Variants in GNB5 observed in about 807,000 individuals in gnomAD.
GNB5 encodes G protein subunit beta 5, also known as guanine nucleotide-binding protein subunit beta-5.
Under a neutral mutation model 55.3 loss-of-function variants are expected in GNB5, and 37 were observed. The ratio of observed to expected loss-of-function variants is 0.67; its 90% confidence interval spans 0.51 to 0.88. GNB5 has a LOEUF of 0.88. Ranked by LOEUF, GNB5 falls within the 40% of genes least tolerant of loss-of-function variation. The pLI, the probability that GNB5 is intolerant of heterozygous loss-of-function variation, is 0.00. For synonymous variants in GNB5, 219 were observed against 198.5 expected (o/e 1.10, Z -0.87); for missense variants, 476 against 515.3 (o/e 0.92, Z 0.74).
At chr15:52,177,088 G>A (rs956998203) in intron 3 of GNB5, among the ~76,000 whole-genome samples, 2 of 143,784 alleles carry the variant, frequency 1.4e-5, no homozygotes, top group African/African-American at 5.2e-5. Flanking sequence ...AGGCTGGAGT[G>A]CAGTGGCAAG....
chr15:52,180,636 C>G (rs867925413), intron 2 of GNB5: 1 of 152,132 alleles, frequency 6.6e-6, no homozygotes, highest in Admixed American at 6.5e-5. Context: ...CTTCTGAGCC[C>G]ACGCCCAGGC....
intron 8 of GNB5, among the ~76,000 whole-genome samples, chr15:52,134,919 T>G (rs1033795926): frequency 6.6e-6 from 1 of 152,006 alleles, no homozygotes; most frequent in Non-Finnish European, 1.5e-5. Context: ...CATCTACTGC[T>G]TGTACCATCC....
At chr15:52,163,234 A>G (rs2034373958) in intron 3 of GNB5, among the ~76,000 whole-genome samples, 1 of 152,220 alleles carries the variant, frequency 6.6e-6, no homozygotes, top group Non-Finnish European at 1.5e-5. Context: ...TCTAAAGCAC[A>G]GAGCTCTGCA....
Position 52,136,113 on chromosome 15 carries a change from A to AACACACACACACAC in GNB5, c.628-371_628-358dup, listed in dbSNP as rs751263225. On this transcript the variant is annotated intron_variant, in intron 7 of 12. Transcript: ENST00000261837. ...CACACACACACAGGGAAAAGCAGAAAACACACACACACACACACACACACA... is the reference window on the plus strand; with the variant it reads ...CACACACACACAGGGAAAAGCAGAAAACACACACACACACACACACACACACACACACACACACA... Among the ~76,000 whole-genome samples the AACACACACACACAC allele has an allele frequency of 1.3e-3, 68 of 50,726 alleles. 3 individuals are homozygous for AACACACACACACAC. Among genetic ancestry groups the AACACACACACACAC allele is most frequent in the East Asian group, 2.3e-3 (2 of 874 alleles). The allele number at this position is 50,726 out of a possible 152,430, so 33.3% of individuals were successfully genotyped here.
At chr15:52,144,566 G>T (rs1271832318) in intron 6 of GNB5, 1 of 152,248 alleles carries the variant, frequency 6.6e-6, no homozygotes, top group Non-Finnish European at 1.5e-5. Flanking sequence ...GGAATGTCCT[G>T]CCTGGTAAGA....
chr15:52,131,325 T>C (rs1269187109), intron 9 of GNB5, among the ~76,000 whole-genome samples: 2 of 152,240 alleles, frequency 1.3e-5, no homozygotes, highest in Non-Finnish European at 2.9e-5. Flanking sequence ...TTACTAGATA[T>C]TGTAAGTAAT....
chr15:52,167,527 C>A (rs543008208), intron 3 of GNB5, among the ~76,000 whole-genome samples: 1 of 151,858 alleles, frequency 6.6e-6, no homozygotes, highest in Non-Finnish European at 1.5e-5. Flanking sequence ...AAAAATTAGC[C>A]GGGCGTGGTG....
chr15:52,181,243 G>C (rs1490585746), intron 2 of GNB5: 2 of 152,220 alleles, frequency 1.3e-5, no homozygotes, highest in African/African-American at 4.8e-5. Context: ...TTGCAGGTTA[G>C]AGTCTGGGAT....
rs1056738339 is a variant in GNB5 at position 52,115,472 on chromosome 15, T to C, written c.*7285A>G. ...CTGTCACAAGGATTACATGAATCGG[T>C]ATATACAAAGTGCTTAGCACAGTAC... On this transcript the variant is annotated 3_prime_UTR_variant, in exon 13 of 13. Coordinates refer to ENST00000261837, the MANE Select transcript of GNB5 (RefSeq NM_016194.4). 2.6e-5 allele frequency: 4 copies of C among 152,190 alleles called. No homozygotes were observed. The highest frequency in any genetic ancestry group is 7.2e-5 in the African/African-American group (3 of 41,446). The allele number at this position is 152,190 out of a possible 1,614,324, so 9.4% of individuals were successfully genotyped here. A position where few individuals can be genotyped will look rare whatever the true frequency, so the allele number is the denominator to read the frequency against.
chr15:52,160,905 A>G (rs1009683959), intron 3 of GNB5, among the ~76,000 whole-genome samples: 2 of 152,224 alleles, frequency 1.3e-5, no homozygotes, highest in Non-Finnish European at 2.9e-5. Flanking sequence ...CAGGGCTACC[A>G]TGATACCCTT....
intron 7 of GNB5, among the ~76,000 whole-genome samples, 186 bp downstream of exon 7, chr15:52,140,954 T>C (rs1292893267): frequency 6.6e-6 from 1 of 152,170 alleles, no homozygotes; most frequent in Non-Finnish European, 1.5e-5. Flanking sequence ...CAACAATCAC[T>C]AGCCCCAACC....
In GNB5 at chr15:52,128,239, T is replaced by C; in HGVS notation, c.869A>G (p.Tyr290Cys). ...TGAAGCAAAGGCATCTCCACTGGGG[T>C]AGTACCTGCAGAGAGAAAGTACTTT... Reference protein sequence around the residue: ...HESDINSVRYYPSGDAFASGS... With the variant: ...HESDINSVRYCPSGDAFASGS... The change falls in exon 10 of 13, where the codon TAC (tyrosine) becomes TGC (cysteine). Residue 290 changes from tyrosine to cysteine, a missense_variant. Tyr to Cys is a radical substitution (Grantham distance 194). Transcript: ENST00000261837. 6.2e-7 allele frequency: 1 copy of C among 1,606,920 alleles called. No homozygotes were observed. Among genetic ancestry groups the C allele is most frequent in the Non-Finnish European group, 8.5e-7 (1 of 1,173,468 alleles).
chr15:52,171,944 G>C (rs75278458), intron 3 of GNB5, among the ~76,000 whole-genome samples: 1 of 152,150 alleles, frequency 6.6e-6, no homozygotes, highest in African/African-American at 2.4e-5. Flanking sequence ...AACAATATTA[G>C]CATCTGCCTC....
At chr15:52,175,926 G>A (rs2034641250) in intron 3 of GNB5, among the ~76,000 whole-genome samples, 1 of 152,184 alleles carries the variant, frequency 6.6e-6, no homozygotes, top group South Asian at 2.1e-4. Context: ...GCATGTGCCT[G>A]TAATCCCAGC....
intron 10 of GNB5, among the ~76,000 whole-genome samples, chr15:52,127,534 GTA>G (rs1491399658): frequency 1.3e-5 from 2 of 151,766 alleles, no homozygotes; most frequent in African/African-American, 4.8e-5. Context: ...ATTTTGTTAT[GTA>G]TCTTTGATAT....
chr15:52,162,018 G>A (rs2034346905), intron 3 of GNB5, among the ~76,000 whole-genome samples: 2 of 152,140 alleles, frequency 1.3e-5, no homozygotes, highest in Admixed American at 1.3e-4. Context: ...AGACAGGAAG[G>A]CACGTCTACC....
chr15:52,133,783 T>C (rs1034118200), intron 8 of GNB5, among the ~76,000 whole-genome samples: 8 of 152,242 alleles, frequency 5.3e-5, no homozygotes, highest in African/African-American at 1.9e-4. Context: ...CTTCCTTTCA[T>C]TTTTCCTTCT....
At chr15:52,132,730 C>A (rs980782555) in intron 9 of GNB5, among the ~76,000 whole-genome samples, 12 of 151,570 alleles carry the variant, frequency 7.9e-5, no homozygotes, top group African/African-American at 2.9e-4. Flanking sequence ...GCCTCAGCTT[C>A]CCAACAGAGC....
intron 3 of GNB5, among the ~76,000 whole-genome samples, chr15:52,175,036 G>A (rs1013226484): frequency 6.6e-6 from 1 of 152,046 alleles, no homozygotes; most frequent in Non-Finnish European, 1.5e-5. Context: ...TCGTGCCACC[G>A]CACTCCAGCC....
Sources: gnomAD v4.1 joint callset for allele counts (sites outside exome capture counted in the v4.1 genomes callset) on GRCh38, gnomAD v4.1.1 for gene constraint, MANE v1.5 for transcripts, NCBI Gene and HGNC (gene_info 2026-07-23, HGNC 2026-07-21) for gene names.